Variants in UBE2J2 observed in about 807,000 individuals in gnomAD.
UBE2J2 encodes the protein ubiquitin conjugating enzyme E2 J2, also known as ubiquitin-conjugating enzyme E2 J2.
Under a neutral mutation model 28.6 loss-of-function variants are expected in UBE2J2, and 5 were observed. The ratio of observed to expected loss-of-function variants is 0.17; its 90% confidence interval spans 0.09 to 0.37. The LOEUF is 0.37. Among genes scored for constraint, UBE2J2 ranks in the 10% least tolerant of loss-of-function variants. The pLI is 1.00. For synonymous variants in UBE2J2, 138 were observed against 139.7 expected (o/e 0.99, Z 0.09); for missense variants, 226 against 338.9 (o/e 0.67, Z 2.62).
chr1:1,256,697 C>T (rs1462619538), intron 5 of UBE2J2, among the ~76,000 whole-genome samples: 2 of 151,682 alleles, frequency 1.3e-5, no homozygotes. Context: ...CTGGTTAACA[C>T]GGTGAAACCC....
intron 3 of UBE2J2, 161 bp downstream of exon 3, chr1:1,263,185 G>A: frequency 2.9e-6 from 2 of 689,902 alleles, no homozygotes; most frequent in Admixed American, 2.1e-5. Context: ...CTTCCAGCGT[G>A]TGGAGAAGCA....
At chr1:1,267,284 G>A (rs1483834580) in intron 2 of UBE2J2, among the ~76,000 whole-genome samples, 1 of 141,804 alleles carries the variant, frequency 7.1e-6, no homozygotes, top group Non-Finnish European at 1.5e-5. Context: ...CTTCAGCAAG[G>A]GGGAGAGTCA....
chr1:1,255,200 G>A lies in UBE2J2; in HGVS notation c.*3C>T, dbSNP rs758498396. 1.3e-6 allele frequency: 2 copies of A among 1,580,088 alleles called. No homozygotes were observed. Among genetic ancestry groups the A allele is most frequent in the Non-Finnish European group, 1.7e-6 (2 of 1,158,346 alleles). On this transcript the variant is annotated 3_prime_UTR_variant, in exon 7 of 7. Transcript: ENST00000349431. Reference sequence around the variant, plus strand: ...TGGCGCCTTGGGTCTCGGCGCCTGGGCCTCACTCCTGCGCGATGCTCCTCA... The same window carrying A: ...TGGCGCCTTGGGTCTCGGCGCCTGGACCTCACTCCTGCGCGATGCTCCTCA...
intron 2 of UBE2J2, chr1:1,263,592 G>A (rs1639681548): frequency 5.6e-6 from 3 of 534,878 alleles, no homozygotes; most frequent in Non-Finnish European, 1.0e-5. Context: ...CTTGTAACAG[G>A]ATCTTAGAGA....
rs1041559707 is a variant in UBE2J2 at position 1,273,690 on chromosome 1, C to A, written c.-25G>T. ...CCTCTCCCTGTCGCTGCGCGTGGGC[C>A]GCCGCCGCGCTCAGGCTCGCCGTAG... is the stretch of plus-strand genomic sequence containing the variant. On this transcript the variant is annotated 5_prime_UTR_variant, in exon 1 of 7. Coordinates refer to ENST00000349431, the MANE Select transcript of UBE2J2 (RefSeq NM_058167.3). 1.3e-5 allele frequency: 2 copies of A among 152,510 alleles called. No individual in the cohort carries two copies. Among genetic ancestry groups the A allele is most frequent in the Admixed American group, 6.6e-5 (1 of 15,238 alleles). 9.4% of individuals were successfully genotyped at this position (152,510 alleles called of 1,614,324 possible).
Position 1,256,395 on chromosome 1 carries a change from G to A in UBE2J2, c.415-270C>T, listed in dbSNP as rs140929448. On this transcript the variant is annotated intron_variant, in intron 5 of 6. Transcript: ENST00000349431. ...GCTCCCCGCTGACAAGGCCCGGGCC[G>A]TCTGTGCAACTGGTACCGCCTTGGC... 2.8e-3 allele frequency: 1,082 copies of A among 391,896 alleles called. 12 individuals carry two copies. Among genetic ancestry groups the A allele is most frequent in the African/African-American group, 0.02 (972 of 47,900 alleles). 24.3% of individuals were successfully genotyped at this position (391,896 alleles called of 1,614,324 possible).
chr1:1,266,457 C>T (rs1639866936), intron 2 of UBE2J2, among the ~76,000 whole-genome samples: 2 of 151,816 alleles, frequency 1.3e-5, no homozygotes, highest in African/African-American at 4.8e-5. Flanking sequence ...ACCAGGGAGG[C>T]GGAGGTCACA....
chr1:1,263,616 G>A lies in UBE2J2; in HGVS notation c.132-230C>T, dbSNP rs1570562205. 8.9e-6 allele frequency: 4 copies of A among 451,236 alleles called. No individual in the cohort carries two copies. In the East Asian group the frequency reaches 1.0e-4, roughly 11 times the overall value. 28.0% of individuals were successfully genotyped at this position (451,236 alleles called of 1,614,324 possible). On this transcript the variant is annotated intron_variant, in intron 2 of 6. Transcript: ENST00000349431. ...GGATCTTAGAGACTATACTTTATAA[G>A]TTTACCATAAAGTACCTTTGTTTCG...
chr1:1,260,140 C>T (rs1479762667), intron 3 of UBE2J2, among the ~76,000 whole-genome samples: 1 of 152,198 alleles, frequency 6.6e-6, no homozygotes, highest in East Asian at 1.9e-4. Context: ...GTGGAGTCAA[C>T]AGTGGAGGGA....
intron 3 of UBE2J2, among the ~76,000 whole-genome samples, chr1:1,259,795 C>T (rs964544019): frequency 1.5e-4 from 23 of 152,170 alleles, no homozygotes; most frequent in African/African-American, 2.4e-4. Flanking sequence ...CGTGGCCCCA[C>T]GGGGCTCGTG....
chr1:1,272,815 G>C (rs115231600), intron 1 of UBE2J2: 5,909 of 159,146 alleles, frequency 0.037, 156 homozygotes, highest in African/African-American at 0.075. Flanking sequence ...ACCCAACCAC[G>C]CCCTAGGCTC....
At chr1:1,263,987 T>C (rs1476512849) in intron 2 of UBE2J2, among the ~76,000 whole-genome samples, 1 of 152,164 alleles carries the variant, frequency 6.6e-6, no homozygotes, top group Non-Finnish European at 1.5e-5. Flanking sequence ...TGAGACCCTA[T>C]CTCCAAAGAA....
Position 1,255,111 on chromosome 1 carries a change from TCTGC to T in UBE2J2, c.*88_*91del, listed in dbSNP as rs1639091699. On this transcript the variant is annotated 3_prime_UTR_variant, in exon 7 of 7. Transcript: ENST00000349431. ...AAGCTAAACCTAGGAGCCTGGTGGG[TCTGC>T]CTGTGCTGGGCAGTGTGTCCAGCCT... The T allele has an allele frequency of 5.2e-6, 7 of 1,357,380 alleles. No individual in the cohort carries two copies. In the South Asian group the frequency reaches 1.0e-4, roughly 20 times the overall value. The allele number at this position is 1,357,380 out of a possible 1,614,324, so 84.1% of individuals were successfully genotyped here.
intron 1 of UBE2J2, among the ~76,000 whole-genome samples, chr1:1,270,119 C>T (rs1418667153): frequency 2.6e-5 from 4 of 152,210 alleles, no homozygotes; most frequent in African/African-American, 9.7e-5. Flanking sequence ...GCCTCTTCCC[C>T]TTCCGCCATG....
chr1:1,263,400 G>T lies in UBE2J2; in HGVS notation c.132-14C>A. On this transcript the variant is annotated splice_polypyrimidine_tract_variant and intron_variant, in intron 2 of 6. Coordinates refer to ENST00000349431, the MANE Select transcript of UBE2J2 (RefSeq NM_058167.3). ...ACGACATAGTGCCTAAGGGAGAGAA[G>T]AAAATTACTTGGGATTTGAGGACAG... 6.2e-7 allele frequency: 1 copy of T among 1,611,658 alleles called. No individual in the cohort carries two copies. Among genetic ancestry groups the T allele is most frequent in the Admixed American group, 1.7e-5 (1 of 59,994 alleles).
intron 3 of UBE2J2, among the ~76,000 whole-genome samples, chr1:1,259,087 C>T (rs917074554): frequency 5.4e-5 from 8 of 147,388 alleles, no homozygotes; most frequent in Non-Finnish European, 8.9e-5. Context: ...GCCATCAGGA[C>T]GCACGTGTGT....
chr1:1,266,629 G>A (rs1312212683), intron 2 of UBE2J2, among the ~76,000 whole-genome samples: 8 of 151,942 alleles, frequency 5.3e-5, no homozygotes, highest in Non-Finnish European at 8.8e-5. Context: ...AGACCATCCT[G>A]GCTAACACGG....
In UBE2J2 at chr1:1,255,251, G is replaced by A; in HGVS notation, c.732C>T (p.Ala244=). ...GCACGTACTTGACCGTGTAAGCAAAGGCTGCAAACCCAACTATCACAAACA... is the reference window on the plus strand; with the variant it reads ...GCACGTACTTGACCGTGTAAGCAAAAGCTGCAAACCCAACTATCACAAACA... ...ANLFVIVGFA[A]FAYTVKYVLR... is the part of the protein sequence containing the mutation. The change falls in exon 7 of 7, where the codon GCC becomes GCT. Residue 244 remains alanine (A), a synonymous_variant. Transcript: ENST00000349431. The A allele has an allele frequency of 1.2e-6, 2 of 1,612,664 alleles. No homozygotes were observed. Among genetic ancestry groups the A allele is most frequent in the East Asian group, 2.2e-5 (1 of 44,820 alleles).
intron 2 of UBE2J2, among the ~76,000 whole-genome samples, chr1:1,264,365 T>G (rs1639728585): frequency 6.6e-6 from 1 of 152,138 alleles, no homozygotes; most frequent in African/African-American, 2.4e-5. Flanking sequence ...GAGAAGAAAG[T>G]AAAACCAGCT....
Sources: allele counts gnomAD v4.1 joint callset (sites outside exome capture counted in the v4.1 genomes callset), GRCh38; gene constraint gnomAD v4.1.1; transcripts MANE v1.5; gene names NCBI Gene and HGNC (gene_info 2026-07-23, HGNC 2026-07-21).